PPP3CA: variants seen among roughly 807,000 people sequenced by gnomAD.
PPP3CA encodes the protein protein phosphatase 3 catalytic subunit alpha.
In PPP3CA, 14 loss-of-function variants were observed where a neutral mutation model predicts 66.5. That is an observed-to-expected ratio of 0.21 (90% CI 0.14 to 0.33). PPP3CA has a LOEUF of 0.33. PPP3CA is among the 10% of genes least tolerant of loss of function. The pLI is 1.00. For synonymous variants in PPP3CA, 232 were observed against 226.2 expected (o/e 1.03, Z -0.23); for missense variants, 317 against 639.5 (o/e 0.50, Z 5.44).
intron 2 of PPP3CA, among the ~76,000 whole-genome samples, chr4:101,134,566 A>C (rs186061879): frequency 1.3e-5 from 2 of 152,330 alleles, no homozygotes; most frequent in Admixed American, 1.3e-4. Flanking sequence ...TATCATTAAA[A>C]CATGAGGAAA....
chr4:101,131,684 G>A (rs1028963820), intron 2 of PPP3CA, among the ~76,000 whole-genome samples: 18 of 152,110 alleles, frequency 1.2e-4, no homozygotes, highest in African/African-American at 4.3e-4. Flanking sequence ...GTCAATATGA[G>A]ACAGATTAAT....
chr4:101,215,306 G>C (rs983665155), intron 1 of PPP3CA, among the ~76,000 whole-genome samples: 10 of 151,958 alleles, frequency 6.6e-5, no homozygotes, highest in Non-Finnish European at 1.3e-4. Flanking sequence ...TATTCAGCTA[G>C]CCAAAGGCAT....
chr4:101,061,198 T>C, intron 9 of PPP3CA, 37 bp from the exon 10 acceptor site: 1 of 1,554,688 alleles, frequency 6.4e-7, no homozygotes, highest in Non-Finnish European at 8.9e-7. Context: ...AGTCAGGGTT[T>C]TCTGTTATAA....
chr4:101,106,190 G>A (rs1484674797), intron 3 of PPP3CA, among the ~76,000 whole-genome samples: 1 of 151,302 alleles, frequency 6.6e-6, no homozygotes, highest in Non-Finnish European at 1.5e-5. Context: ...GCATGGTGGT[G>A]TGTGCCTGTA....
chr4:101,228,941 G>A (rs554537390), intron 1 of PPP3CA, among the ~76,000 whole-genome samples: 1 of 151,718 alleles, frequency 6.6e-6, no homozygotes, highest in African/African-American at 2.4e-5. Context: ...TAAAATGTGA[G>A]GGACTGTTTT....
At chr4:101,119,087 A>G (rs922124666) in intron 2 of PPP3CA, among the ~76,000 whole-genome samples, 3 of 151,892 alleles carry the variant, frequency 2.0e-5, no homozygotes, top group Admixed American at 6.6e-5. Flanking sequence ...TGTCTACCTA[A>G]GAAACATTTT....
At chr4:101,153,364 C>T (rs889110598) in intron 2 of PPP3CA, among the ~76,000 whole-genome samples, 3 of 152,122 alleles carry the variant, frequency 2.0e-5, no homozygotes, top group Non-Finnish European at 4.4e-5. Flanking sequence ...GTTCAACTAT[C>T]AGCAAAAAAT....
At chr4:101,308,869 A>T in intron 1 of PPP3CA, among the ~76,000 whole-genome samples, 1 of 152,222 alleles carries the variant, frequency 6.6e-6, no homozygotes, top group Non-Finnish European at 1.5e-5. Flanking sequence ...CAAGAGGAAG[A>T]TACTTCCCAG....
intron 2 of PPP3CA, among the ~76,000 whole-genome samples, chr4:101,184,972 G>A (rs1724365416): frequency 6.6e-6 from 1 of 152,022 alleles, no homozygotes; most frequent in Admixed American, 6.6e-5. Flanking sequence ...AGGAGCAGGA[G>A]GCAAAAAATT....
Position 101,078,003 on chromosome 4 carries a change from G to A in PPP3CA, c.955+2529C>T, listed in dbSNP as rs1047653207. Among the ~76,000 whole-genome samples, 5 of 151,990 alleles carry A rather than the reference G, an allele frequency of 3.3e-5. No individual in the cohort carries two copies. The East Asian group carries it at 5.8e-4, about 18-fold the overall frequency. The stretch of plus-strand genomic sequence containing the variant: ...GGAGTAAAATCCCAATTTTTATTCC[G>A]TTTTTACTGTTTTGGTTTTCTTTTT... On this transcript the variant is annotated intron_variant, in intron 8 of 13. Coordinates refer to ENST00000394854, the MANE Select transcript of PPP3CA (RefSeq NM_000944.5).
At position 101,120,998 on chromosome 4, in the gene PPP3CA, A is replaced by AT. The variant is rs1722009517; in HGVS notation, c.260-11921dup. ...AAATCATGTTTGCCTAACATGGTAT[A>AT]TATGGCATATAAACTGAGTGATCAT... On this transcript the variant is annotated intron_variant, in intron 2 of 13. Transcript: ENST00000394854. 2.0e-5 allele frequency among the ~76,000 whole-genome samples: 3 copies of AT among 152,148 alleles called. No homozygotes were observed. In the South Asian group the frequency reaches 6.2e-4, roughly 32 times the overall value.
rs553102008 is a variant in PPP3CA, at chr4:101,264,829, G to C, written c.59-68713C>G. On this transcript the variant is annotated intron_variant, in intron 1 of 13. Coordinates refer to ENST00000394854, the MANE Select transcript of PPP3CA (RefSeq NM_000944.5). ...AGCATGTATGAGGGAAGACAGGATA[G>C]AGGAGGCAAGGTAGAGTTCTGGTGA... Among the ~76,000 whole-genome samples, 8 of 152,310 alleles carry C rather than the reference G, an allele frequency of 5.3e-5. No homozygotes were observed. In the East Asian group the frequency reaches 9.7e-4, roughly 18 times the overall value.
At chr4:101,075,611 G>A (rs1729152548) in intron 8 of PPP3CA, among the ~76,000 whole-genome samples, 1 of 151,778 alleles carries the variant, frequency 6.6e-6, no homozygotes, top group South Asian at 2.1e-4. Context: ...ATGAATTCAA[G>A]TGTTTACATC....
intron 5 of PPP3CA, among the ~76,000 whole-genome samples, chr4:101,097,363 T>C (rs1484338136): frequency 6.6e-6 from 1 of 152,124 alleles, no homozygotes; most frequent in African/African-American, 2.4e-5. Flanking sequence ...TCTCTAAAAG[T>C]AGAGGAAAGA....
chr4:101,026,991 G>T (rs1166314080), intron 13 of PPP3CA, among the ~76,000 whole-genome samples: 2 of 152,176 alleles, frequency 1.3e-5, no homozygotes, highest in Admixed American at 1.3e-4. Context: ...AATGATATTT[G>T]ATTTTTTTAA....
intron 3 of PPP3CA, among the ~76,000 whole-genome samples, chr4:101,106,991 C>A (rs1730783204): frequency 6.6e-6 from 1 of 152,174 alleles, no homozygotes; most frequent in Admixed American, 6.5e-5. Context: ...TTAATCCTGG[C>A]AGACACCAGT....
intron 1 of PPP3CA, among the ~76,000 whole-genome samples, chr4:101,259,588 G>A (rs1364803808): frequency 2.6e-5 from 4 of 152,108 alleles, no homozygotes; most frequent in South Asian, 4.1e-4. Flanking sequence ...CTGGCATGAC[G>A]TAAAAGTAAC....
chr4:101,071,815 T>C (rs1421343059), intron 8 of PPP3CA, among the ~76,000 whole-genome samples: 2 of 152,208 alleles, frequency 1.3e-5, no homozygotes, highest in Non-Finnish European at 2.9e-5. Flanking sequence ...GTTTCACAAC[T>C]ACTTAACTAA....
intron 1 of PPP3CA, among the ~76,000 whole-genome samples, chr4:101,242,828 T>A (rs1726355440): frequency 6.6e-6 from 1 of 152,082 alleles, no homozygotes; most frequent in African/African-American, 2.4e-5. Context: ...CTCAGGAGGC[T>A]GGGGCAGGAG....
Sources: allele counts gnomAD v4.1 joint callset (sites outside exome capture counted in the v4.1 genomes callset), GRCh38; gene constraint gnomAD v4.1.1; transcripts MANE v1.5; gene names NCBI Gene and HGNC (gene_info 2026-07-23, HGNC 2026-07-21).